The following PLEKHB2 variants were observed in gnomAD, a reference collection of about 807,000 sequenced individuals.
PLEKHB2 encodes pleckstrin homology domain-containing family B member 2.
In PLEKHB2, 31 loss-of-function variants were observed where a neutral mutation model predicts 36.5. That is an observed-to-expected ratio of 0.85 (90% confidence interval 0.64 to 1.15). The LOEUF (loss-of-function observed/expected upper bound fraction) is 1.15, where lower values mean the gene tolerates loss of function less well. Ranked by LOEUF, PLEKHB2 falls within the 50% of genes most tolerant of loss-of-function variation. The pLI, the probability that PLEKHB2 is intolerant of heterozygous loss-of-function variation, is 0.00. For missense variants in PLEKHB2, 262 were observed against 295.3 expected (o/e 0.89, Z 0.83); for synonymous variants, 119 against 112.0 (o/e 1.06, Z -0.39).
chr2:131,114,839 A>C (rs962606195), intron 1 of PLEKHB2, among the ~76,000 whole-genome samples: 1 of 152,154 alleles, frequency 6.6e-6, no homozygotes, highest in Non-Finnish European at 1.5e-5. Flanking sequence ...GGAAGTTCCA[A>C]ACTTTCCCAC....
chr2:131,146,108 G>T (rs1699265496), intron 7 of PLEKHB2, among the ~76,000 whole-genome samples: 1 of 152,002 alleles, frequency 6.6e-6, no homozygotes, highest in African/African-American at 2.4e-5. Context: ...CTTGAACCTG[G>T]GCGGTGGAAG....
intron 1 of PLEKHB2, among the ~76,000 whole-genome samples, chr2:131,106,949 T>A (rs887946772): frequency 1.4e-4 from 21 of 152,204 alleles, no homozygotes; most frequent in African/African-American, 5.1e-4. Flanking sequence ...GTAAGTAAAT[T>A]TCCTGCTATT....
chr2:131,142,335 C>T (rs1450726684), intron 7 of PLEKHB2, among the ~76,000 whole-genome samples: 1 of 152,184 alleles, frequency 6.6e-6, no homozygotes, highest in Non-Finnish European at 1.5e-5. Flanking sequence ...TATAATCATG[C>T]ATTGTATTTC....
In PLEKHB2 at chr2:131,114,364, T is replaced by A. The variant is rs570721248; in HGVS notation, c.-8-6570T>A. Among the ~76,000 whole-genome samples the A allele has an allele frequency of 8.9e-4, 136 of 152,320 alleles. 1 individual carries two copies. Among genetic ancestry groups the A allele is most frequent in the African/African-American group, 3.0e-3 (124 of 41,584 alleles). ...TGGTCTCCATCTCCTGACCTCGTGA[T>A]CCACCCTCCTCAGCCTCCCAAAGTG... On this transcript the variant is annotated intron_variant, in intron 1 of 7. Coordinates refer to ENST00000693505, the MANE Select transcript of PLEKHB2 (RefSeq NM_001100623.2).
intron 6 of PLEKHB2, among the ~76,000 whole-genome samples, chr2:131,136,734 T>A (rs2104937847): frequency 6.6e-6 from 1 of 151,750 alleles, no homozygotes; most frequent in East Asian, 1.9e-4. Context: ...TTTTTGTACT[T>A]TGTTTTGTTT....
intron 1 of PLEKHB2, among the ~76,000 whole-genome samples, chr2:131,117,565 C>T (rs1034125316): frequency 1.8e-4 from 27 of 152,182 alleles, no homozygotes; most frequent in African/African-American, 6.5e-4. Flanking sequence ...TTTGTCATGA[C>T]TACGTAGTTC....
At chr2:131,107,260 TA>T (rs1694837232) in intron 1 of PLEKHB2, among the ~76,000 whole-genome samples, 1 of 152,258 alleles carries the variant, frequency 6.6e-6, no homozygotes. Context: ...GTTAGTTATA[TA>T]TTTGCTTCCA....
At chr2:131,124,191 G>A (rs1347447791) in intron 2 of PLEKHB2, among the ~76,000 whole-genome samples, 3 of 152,160 alleles carry the variant, frequency 2.0e-5, no homozygotes, top group Non-Finnish European at 4.4e-5. Flanking sequence ...GGATGCTTGG[G>A]TATCACTTAG....
intron 1 of PLEKHB2, chr2:131,107,924 A>G (rs1276128559): frequency 1.3e-5 from 2 of 152,310 alleles, no homozygotes; most frequent in Non-Finnish European, 2.9e-5. Context: ...TTGGCCTCCC[A>G]AAGTGTTGGG....
intron 7 of PLEKHB2, among the ~76,000 whole-genome samples, chr2:131,142,883 C>A (rs879768997): frequency 1.3e-5 from 2 of 151,954 alleles, no homozygotes; most frequent in African/African-American, 2.4e-5. Flanking sequence ...TTTCTCCCCC[C>A]CAACTAGACT....
At chr2:131,141,731 A>G (rs1698811071) in intron 7 of PLEKHB2, among the ~76,000 whole-genome samples, 1 of 152,170 alleles carries the variant, frequency 6.6e-6, no homozygotes, top group South Asian at 2.1e-4. Context: ...TTTGAATTAC[A>G]GTAAGTCCTC....
chr2:131,124,212 G>A (rs935669224), intron 2 of PLEKHB2, among the ~76,000 whole-genome samples: 2 of 152,170 alleles, frequency 1.3e-5, no homozygotes, highest in Admixed American at 6.5e-5. Context: ...TGGTCAGTTA[G>A]GCAAGTGCAG....
chr2:131,124,642 A>G (rs1696907622), intron 2 of PLEKHB2, among the ~76,000 whole-genome samples: 1 of 152,188 alleles, frequency 6.6e-6, no homozygotes, highest in Non-Finnish European at 1.5e-5. Context: ...GAGGCCAGGC[A>G]GGGCCTGGTC....
At chr2:131,124,741 A>G (rs781089099) in intron 2 of PLEKHB2, among the ~76,000 whole-genome samples, 3 of 151,990 alleles carry the variant, frequency 2.0e-5, no homozygotes, top group Non-Finnish European at 2.9e-5. Context: ...ATGGTAGGAA[A>G]GAGTATCTGT....
chr2:131,147,012 G>T lies in PLEKHB2; in HGVS notation c.*239G>T. 1 of 356,144 alleles carries T rather than the reference G, an allele frequency of 2.8e-6. No homozygotes were observed. Among genetic ancestry groups the T allele is most frequent in the Non-Finnish European group, 5.0e-6 (1 of 199,630 alleles). 22.1% of individuals were successfully genotyped at this position (356,144 alleles called of 1,614,324 possible). Reference sequence around the variant, plus strand: ...TGGCTCATTCCAAGACTGTTCTTGTGCAACTCTCAGAATACCTTATTTGAG... The same window carrying T: ...TGGCTCATTCCAAGACTGTTCTTGTTCAACTCTCAGAATACCTTATTTGAG... On this transcript the variant is annotated 3_prime_UTR_variant, in exon 8 of 8. Transcript: ENST00000693505.
rs923025831 is a variant in PLEKHB2, at chr2:131,119,605, A to T, written c.-8-1329A>T. On this transcript the variant is annotated intron_variant, in intron 1 of 7. Coordinates refer to ENST00000693505, the MANE Select transcript of PLEKHB2 (RefSeq NM_001100623.2). ...ATCTCAGTGAGGCAAATTCCTAGTC[A>T]TGGTGAGATTGCTGGGGCAAAGTAT... is the stretch of plus-strand genomic sequence containing the variant. Among the ~76,000 whole-genome samples the T allele has an allele frequency of 2.7e-4, 41 of 152,208 alleles. 1 individual carries two copies. The highest frequency in any genetic ancestry group is 9.2e-4 in the African/African-American group (38 of 41,456).
At chr2:131,123,875 G>T (rs1696822928) in intron 2 of PLEKHB2, among the ~76,000 whole-genome samples, 1 of 146,488 alleles carries the variant, frequency 6.8e-6, no homozygotes, top group South Asian at 2.2e-4. Flanking sequence ...TTAAGACAGG[G>T]TCTTGCTCTG....
At chr2:131,142,240 A>G (rs1048275605) in intron 7 of PLEKHB2, among the ~76,000 whole-genome samples, 1 of 152,204 alleles carries the variant, frequency 6.6e-6, no homozygotes, top group South Asian at 2.1e-4. Flanking sequence ...TTTTCTTCTT[A>G]TCAATGTTAT....
chr2:131,120,811 G>A (rs1307392759), intron 1 of PLEKHB2, 123 bp from the exon 2 acceptor site: 2 of 895,374 alleles, frequency 2.2e-6, no homozygotes, highest in Admixed American at 3.9e-5. Flanking sequence ...GGGGGGCACT[G>A]AGCTAAAATG....
Sources: allele counts gnomAD v4.1 joint callset (sites outside exome capture counted in the v4.1 genomes callset), GRCh38; gene constraint gnomAD v4.1.1; transcripts MANE v1.5; gene names NCBI Gene and HGNC (gene_info 2026-07-23, HGNC 2026-07-21).